Variants in SPRED1 observed in about 807,000 individuals in gnomAD.
The protein encoded by SPRED1 is sprouty-related, EVH1 domain-containing protein 1.
A neutral mutation model predicts 52.3 loss-of-function variants in SPRED1; 18 were observed. That is an observed-to-expected ratio of 0.34 (90% CI 0.24 to 0.51). The LOEUF is 0.51. Ranked by LOEUF, SPRED1 falls within the 20% of genes least tolerant of loss-of-function variation. The pLI, the probability that SPRED1 is intolerant of heterozygous loss-of-function variation, is 0.97. For synonymous variants in SPRED1, 155 were observed against 179.7 expected, an observed-to-expected ratio of 0.86 and a Z score of 1.10; for missense variants, 485 against 551.0, an observed-to-expected ratio of 0.88 and a Z score of 1.20.
intron 1 of SPRED1, among the ~76,000 whole-genome samples, chr15:38,279,079 G>A (rs1298837508): frequency 6.6e-6 from 1 of 152,072 alleles, no homozygotes; most frequent in African/African-American, 2.4e-5. Context: ...ACCCTCCTAG[G>A]CCTCCCAAAG....
intron 1 of SPRED1, among the ~76,000 whole-genome samples, chr15:38,282,929 T>A (rs1894722425): frequency 6.6e-6 from 1 of 152,140 alleles, no homozygotes; most frequent in East Asian, 1.9e-4. Context: ...AATCTAGTAT[T>A]GCTTATAGTT....
chr15:38,298,855 C>A (rs1404809578), intron 1 of SPRED1, among the ~76,000 whole-genome samples: 1 of 151,996 alleles, frequency 6.6e-6, no homozygotes, highest in East Asian at 1.9e-4. Flanking sequence ...ATTCAGATTC[C>A]CAGTTGGTAG....
chr15:38,262,254 G>A (rs747494911), intron 1 of SPRED1, among the ~76,000 whole-genome samples: 8 of 152,150 alleles, frequency 5.3e-5, no homozygotes, highest in Non-Finnish European at 8.8e-5. Context: ...CTTAGCTTTG[G>A]AGATACAAAG....
intron 4 of SPRED1, among the ~76,000 whole-genome samples, chr15:38,332,098 CTG>C (rs1895817110): frequency 6.6e-6 from 1 of 152,186 alleles, no homozygotes; most frequent in African/African-American, 2.4e-5. Flanking sequence ...AAAAAGAGCA[CTG>C]TGTGGATAGA....
intron 1 of SPRED1, among the ~76,000 whole-genome samples, chr15:38,263,827 CAAAA>C (rs533468172): frequency 6.6e-6 from 1 of 151,836 alleles, no homozygotes; most frequent in Non-Finnish European, 1.5e-5. Context: ...AAACGAATCA[CAAAA>C]AAAATCTCAT....
chr15:38,354,450 C>G lies in SPRED1; in HGVS notation c.*2786C>G, dbSNP rs147428585. On this transcript the variant is annotated 3_prime_UTR_variant, in exon 7 of 7. Coordinates refer to ENST00000299084, the MANE Select transcript of SPRED1 (RefSeq NM_152594.3). ...GAATTGATAATTCTTAAATATTTCT[C>G]TTGGCTTCAAAAGGGACATCATTTG... 2.0e-5 allele frequency: 3 copies of G among 152,282 alleles called. No individual in the cohort carries two copies. Among genetic ancestry groups the G allele is most frequent in the African/African-American group, 7.2e-5 (3 of 41,538 alleles). The allele number at this position is 152,282 out of a possible 1,614,324, so 9.4% of individuals were successfully genotyped here. A position where few individuals can be genotyped will look rare whatever the true frequency, so the allele number is the denominator to read the frequency against.
chr15:38,333,444 T>G (rs2141002820), intron 4 of SPRED1, among the ~76,000 whole-genome samples: 1 of 152,252 alleles, frequency 6.6e-6, no homozygotes, highest in Non-Finnish European at 1.5e-5. Context: ...CAAGCCATAT[T>G]AAGAAAGTAT....
At chr15:38,311,191 G>A (rs1895360001) in intron 2 of SPRED1, among the ~76,000 whole-genome samples, 1 of 152,008 alleles carries the variant, frequency 6.6e-6, no homozygotes, top group Non-Finnish European at 1.5e-5. Flanking sequence ...TGTGTCAATT[G>A]ATCACATTAG....
Position 38,351,096 on chromosome 15 carries a change from G to A in SPRED1, c.767G>A (p.Arg256His), listed in dbSNP as rs1348585688. 4.3e-6 allele frequency: 7 copies of A among 1,613,856 alleles called. No individual in the cohort carries two copies. Among genetic ancestry groups the A allele is most frequent in the Non-Finnish European group, 3.4e-6 (4 of 1,179,948 alleles). ...ATAAACCCTCGAGATATCTTAATAC[G>A]TCGCTATGCAGACTACAGACATCCT... ...VRINPRDILI[R>H]RYADYRHPDM... Residue 256 changes from arginine to histidine, a missense_variant, in exon 7 of 7, where the codon CGT becomes CAT. Around this residue, in one of 5 missense-constraint regions of SPRED1, gnomAD observed 205 missense variants for 245.2 expected, o/e 0.84. Coordinates refer to ENST00000299084, the MANE Select transcript of SPRED1 (RefSeq NM_152594.3).
At chr15:38,253,559 C>G (rs946948350) in intron 1 of SPRED1, among the ~76,000 whole-genome samples, 4 of 152,140 alleles carry the variant, frequency 2.6e-5, no homozygotes, top group African/African-American at 9.7e-5. Context: ...ACATACCAGT[C>G]ACCATACCTT....
intron 2 of SPRED1, among the ~76,000 whole-genome samples, chr15:38,317,660 G>T (rs1322538845): frequency 6.6e-6 from 1 of 151,874 alleles, no homozygotes; most frequent in Non-Finnish European, 1.5e-5. Flanking sequence ...AGTTGAGAAG[G>T]GACGTGAAAA....
intron 4 of SPRED1, chr15:38,326,003 G>T (rs1895704133): frequency 6.6e-6 from 1 of 152,230 alleles, no homozygotes; most frequent in East Asian, 1.9e-4. Context: ...ACATGGGAAT[G>T]ACTTTGGACT....
intron 5 of SPRED1, among the ~76,000 whole-genome samples, chr15:38,347,255 C>T (rs964114064): frequency 2.0e-5 from 3 of 151,978 alleles, no homozygotes; most frequent in African/African-American, 4.8e-5. Context: ...TACTAATTGT[C>T]CCCGCACTGT....
chr15:38,307,011 G>A (rs906060307), intron 2 of SPRED1, among the ~76,000 whole-genome samples: 8 of 152,036 alleles, frequency 5.3e-5, no homozygotes, highest in Admixed American at 1.3e-4. Context: ...GGTATATTTC[G>A]TAATTTATTT....
At chr15:38,281,989 GT>G (rs1225438024) in intron 1 of SPRED1, among the ~76,000 whole-genome samples, 2 of 152,030 alleles carry the variant, frequency 1.3e-5, no homozygotes, top group African/African-American at 4.8e-5. Flanking sequence ...GTATGTTTTT[GT>G]GGTTATTTAT....
intron 1 of SPRED1, chr15:38,268,267 T>C (rs1358149661): frequency 6.6e-6 from 1 of 152,208 alleles, no homozygotes; most frequent in Non-Finnish European, 1.5e-5. Context: ...TAGTATTATC[T>C]CTTATTTTCA....
intron 5 of SPRED1, among the ~76,000 whole-genome samples, chr15:38,349,104 T>C (rs1391552740): frequency 1.3e-5 from 2 of 152,152 alleles, no homozygotes; most frequent in East Asian, 3.8e-4. Flanking sequence ...ACTACTTTAT[T>C]TCTCTTTGTG....
chr15:38,272,448 C>T (rs1019975073), intron 1 of SPRED1, among the ~76,000 whole-genome samples: 1 of 151,694 alleles, frequency 6.6e-6, no homozygotes, highest in Non-Finnish European at 1.5e-5. Flanking sequence ...TTTGTATTTT[C>T]ACTAGAGACA....
At chr15:38,316,751 T>G (rs1409463858) in intron 2 of SPRED1, among the ~76,000 whole-genome samples, 10 of 146,054 alleles carry the variant, frequency 6.8e-5, no homozygotes, top group Admixed American at 1.4e-4. Context: ...ATTATATGTT[T>G]TTTTTTTTTT....
Sources: allele counts gnomAD v4.1 joint callset (sites outside exome capture counted in the v4.1 genomes callset), GRCh38; gene constraint gnomAD v4.1.1; regional missense constraint gnomAD v4.1.1; transcripts MANE v1.5; gene names NCBI Gene and HGNC (gene_info 2026-07-23, HGNC 2026-07-21).